PRKN: variants seen among roughly 807,000 people sequenced by gnomAD.
PRKN encodes parkin RBR E3 ubiquitin protein ligase, also known as E3 ubiquitin-protein ligase parkin.
In PRKN, 56 loss-of-function variants were observed where a neutral mutation model predicts 59.5. That is an observed-to-expected ratio of 0.94 (90% confidence interval 0.76 to 1.18). The LOEUF (loss-of-function observed/expected upper bound fraction) is 1.18. PRKN is among the 50% of genes most tolerant of loss of function. PRKN has a pLI of 0.00. For synonymous variants in PRKN, 250 were observed against 222.1 expected (o/e 1.13, Z -1.12); for missense variants, 657 against 596.4 (o/e 1.10, Z -1.06).
rs1784653550 is a variant in PRKN at position 161,353,901 on chromosome 6, C to G, written c.1286-3690G>C. Among the ~76,000 whole-genome samples, 1 of 152,166 alleles carries G rather than the reference C, an allele frequency of 6.6e-6. No homozygotes were observed. Among genetic ancestry groups the G allele is most frequent in the Admixed American group, 6.5e-5 (1 of 15,272 alleles). On this transcript the variant is annotated intron_variant, in intron 11 of 11. Transcript: ENST00000366898. This position sits in a 1 kb window ranked among gnomAD's most constrained non-coding sequence, Gnocchi z 4.8. The stretch of plus-strand genomic sequence containing the variant: ...TGTCCACTGCAGAACTGATTGCTTG[C>G]TTGGTGCGTGGGGAAAAACCCCCGC...
chr6:162,376,019 G>A (rs926159160), intron 2 of PRKN, among the ~76,000 whole-genome samples: 2 of 152,184 alleles, frequency 1.3e-5, no homozygotes, highest in African/African-American at 4.8e-5. Context: ...GAGGATTGAG[G>A]AATCCAACTC....
chr6:162,120,981 T>C (rs1423052263), intron 4 of PRKN, among the ~76,000 whole-genome samples: 1 of 152,204 alleles, frequency 6.6e-6, no homozygotes, highest in East Asian at 1.9e-4. Context: ...ATATGATATT[T>C]TCACTGGAAC....
chr6:161,392,069 C>G (rs531944241), intron 9 of PRKN, among the ~76,000 whole-genome samples: 1 of 151,938 alleles, frequency 6.6e-6, no homozygotes, highest in African/African-American at 2.4e-5. Flanking sequence ...GGTCTGGTCT[C>G]TCTGGTGAAG....
chr6:162,669,634 C>G (rs1252769071), intron 1 of PRKN, among the ~76,000 whole-genome samples: 1 of 152,132 alleles, frequency 6.6e-6, no homozygotes, highest in Non-Finnish European at 1.5e-5. Flanking sequence ...TTCCCCAAAA[C>G]AGATACTTGA....
rs749892002 is a variant in PRKN at position 162,479,757 on chromosome 6, G to GTTTTTTT, written c.8-36291_8-36285dup. Among the ~76,000 whole-genome samples, 102 of 148,512 alleles carry GTTTTTTT rather than the reference G, an allele frequency of 6.9e-4. 2 individuals carry two copies. Among genetic ancestry groups the GTTTTTTT allele is most frequent in the South Asian group, 6.4e-4 (3 of 4,698 alleles). ...GCCTGAGGCTGTTTTACAGTTATCTGTTTTTTTTTCTCAAAAATAATTAGT... is the reference window on the plus strand; with the variant it reads ...GCCTGAGGCTGTTTTACAGTTATCTGTTTTTTTTTTTTTTTTCTCAAAAATAATTAGT... On this transcript the variant is annotated intron_variant, in intron 1 of 11. Transcript: ENST00000366898.
At chr6:162,685,413 AAT>A (rs998748447) in intron 1 of PRKN, among the ~76,000 whole-genome samples, 2 of 151,788 alleles carry the variant, frequency 1.3e-5, no homozygotes, top group African/African-American at 4.8e-5. Context: ...TACAAAAGTA[AAT>A]ATATATATAT....
intron 7 of PRKN, among the ~76,000 whole-genome samples, chr6:161,679,122 G>A (rs1045045299): frequency 1.3e-5 from 2 of 152,178 alleles, no homozygotes; most frequent in East Asian, 3.9e-4. Context: ...ATCATGAGCA[G>A]TCACCCTTCA....
chr6:161,500,006 T>C (rs1777899573), intron 9 of PRKN, among the ~76,000 whole-genome samples: 1 of 152,164 alleles, frequency 6.6e-6, no homozygotes, highest in African/African-American at 2.4e-5. Flanking sequence ...TGCAGTGTCT[T>C]TGCCAAAAGT....
At chr6:161,665,483 C>T (rs1245585232) in intron 7 of PRKN, among the ~76,000 whole-genome samples, 1 of 152,186 alleles carries the variant, frequency 6.6e-6, no homozygotes, top group Non-Finnish European at 1.5e-5. Flanking sequence ...TCTTCTACCC[C>T]TACAAATCAG....
rs74490066 is a variant in PRKN at position 161,806,103 on chromosome 6, C to T, written c.735-20195G>A. Among the ~76,000 whole-genome samples the T allele has an allele frequency of 7.3e-3, 1,116 of 152,314 alleles. 14 individuals are homozygous for T. The highest frequency in any genetic ancestry group is 0.026 in the African/African-American group (1,076 of 41,560). On this transcript the variant is annotated intron_variant, in intron 6 of 11. Transcript: ENST00000366898. ...ATCGTAAATATTGGAGATTCATTTT[C>T]TGTCCACTTCAAAATCAAGGCCTCT...
At chr6:162,701,331 G>A (rs1011264954) in intron 1 of PRKN, among the ~76,000 whole-genome samples, 2 of 152,000 alleles carry the variant, frequency 1.3e-5, no homozygotes, top group African/African-American at 4.8e-5. Flanking sequence ...TATTGCACAA[G>A]AAGATAAGAA....
At position 162,658,593 on chromosome 6, in the gene PRKN, G is replaced by A. The variant is rs1278795910; in HGVS notation, c.7+69069C>T. Among the ~76,000 whole-genome samples, 7 of 150,402 alleles carry A rather than the reference G, an allele frequency of 4.7e-5. No homozygotes were observed. The East Asian group carries it at 7.8e-4, about 17-fold the overall frequency. On this transcript the variant is annotated intron_variant, in intron 1 of 11. Coordinates refer to ENST00000366898, the MANE Select transcript of PRKN (RefSeq NM_004562.3). ...GAAGAATCGCTTGAACCCGGGAGGC[G>A]GAGGTTGCAGTGAGCCGAGACAGTG...
intron 1 of PRKN, among the ~76,000 whole-genome samples, chr6:162,584,787 TC>T (rs1780945790): frequency 2.9e-5 from 1 of 34,368 alleles, no homozygotes; most frequent in Non-Finnish European, 4.9e-5. Context: ...TCTCCTCTCC[TC>T]TCCCCTCCCC....
At chr6:162,320,106 C>T (rs1379451039) in intron 2 of PRKN, among the ~76,000 whole-genome samples, 1 of 151,614 alleles carries the variant, frequency 6.6e-6, no homozygotes, top group Non-Finnish European at 1.5e-5. Context: ...AGATAATGGC[C>T]TCCCGTTCCA....
Position 161,378,035 on chromosome 6 carries a change from G to C in PRKN, c.1167+8759C>G, listed in dbSNP as rs1785798681. On this transcript the variant is annotated intron_variant, in intron 10 of 11. Transcript: ENST00000366898. This position sits in a 1 kb window ranked among gnomAD's most constrained non-coding sequence, Gnocchi z 7.3. The stretch of plus-strand genomic sequence containing the variant: ...AGGAAAGAGTCCTGAGTTAGGAAGA[G>C]ATACAAGCTCCTAAGCAGTGGCAAA... 6.6e-6 allele frequency among the ~76,000 whole-genome samples: 1 copy of C among 152,176 alleles called. No homozygotes were observed. Among genetic ancestry groups the C allele is most frequent in the Non-Finnish European group, 1.5e-5 (1 of 68,022 alleles).
chr6:162,491,958 T>C (rs1792836129), intron 1 of PRKN, among the ~76,000 whole-genome samples: 1 of 152,146 alleles, frequency 6.6e-6, no homozygotes, highest in African/African-American at 2.4e-5. Context: ...CTGGACTGAG[T>C]ACCTCGGTGC....
intron 2 of PRKN, among the ~76,000 whole-genome samples, chr6:162,436,096 A>C (rs1220125654): frequency 2.1e-5 from 3 of 145,218 alleles, no homozygotes; most frequent in Non-Finnish European, 4.5e-5. Context: ...GAATCACTTG[A>C]ACCTGGGAGG....
intron 3 of PRKN, among the ~76,000 whole-genome samples, chr6:162,213,453 C>CCT (rs1206956108): frequency 1.3e-5 from 2 of 151,968 alleles, no homozygotes; most frequent in Non-Finnish European, 2.9e-5. Flanking sequence ...CGATGCTGGG[C>CCT]ACAGTGGCTC....
chr6:162,339,290 TG>T (rs1359968958), intron 2 of PRKN, among the ~76,000 whole-genome samples: 1 of 73,298 alleles, frequency 1.4e-5, no homozygotes, highest in Non-Finnish European at 2.8e-5. Context: ...GGGAGGGAGG[TG>T]GGGGGGTCAG....
Sources: allele counts gnomAD v4.1 joint callset (sites outside exome capture counted in the v4.1 genomes callset), GRCh38; gene constraint gnomAD v4.1.1; non-coding constraint Gnocchi (gnomAD v3.1); transcripts MANE v1.5; gene names NCBI Gene and HGNC (gene_info 2026-07-23, HGNC 2026-07-21).